The following ROBO2 variants were observed in gnomAD, a reference collection of about 807,000 sequenced individuals.
ROBO2 encodes the protein roundabout guidance receptor 2.
ROBO2 carries 53 observed loss-of-function variants against 160.8 expected under a neutral mutation model. The observed-to-expected ratio is 0.33, with a 90% CI of 0.26 to 0.41. ROBO2 has a LOEUF of 0.41. ROBO2 is among the 10% of genes least tolerant of loss of function. ROBO2 has a pLI of 1.00. For missense variants in ROBO2, 1,577 were observed against 1,722.4 expected, an observed-to-expected ratio of 0.92 and a Z score of 1.49; for synonymous variants, 664 against 611.7, an observed-to-expected ratio of 1.09 and a Z score of -1.26.
At chr3:76,869,342 G>GTTTTTTTTTTT (rs34051755) in intron 2 of ROBO2, among the ~76,000 whole-genome samples, 7 of 71,356 alleles carry the variant, frequency 9.8e-5, no homozygotes, top group Admixed American at 2.3e-4. Context: ...AGAAATTGAT[G>GTTTTTTTTTTT]TTTTTTTTTT....
At chr3:76,829,736 T>C (rs2066913244) in intron 2 of ROBO2, among the ~76,000 whole-genome samples, 2 of 151,852 alleles carry the variant, frequency 1.3e-5, no homozygotes, top group South Asian at 4.2e-4. Flanking sequence ...TGGCACAATC[T>C]TGGCTCACTG....
chr3:76,191,990 C>T (rs969400237), intron 2 of ROBO2, among the ~76,000 whole-genome samples: 1 of 151,994 alleles, frequency 6.6e-6, no homozygotes, highest in Non-Finnish European at 1.5e-5. Context: ...TTCTTCAGGC[C>T]TATTATTGGA....
At chr3:76,674,793 C>G (rs1440789565) in intron 2 of ROBO2, among the ~76,000 whole-genome samples, 1 of 152,158 alleles carries the variant, frequency 6.6e-6, no homozygotes, top group Non-Finnish European at 1.5e-5. Flanking sequence ...TGGGCAACCA[C>G]ACACTCACTA....
intron 2 of ROBO2, among the ~76,000 whole-genome samples, chr3:76,201,971 T>C (rs1285659073): frequency 6.7e-6 from 1 of 148,464 alleles, no homozygotes; most frequent in Non-Finnish European, 1.5e-5. Context: ...GTCCTGCTAA[T>C]AAAACGCCAA....
At chr3:76,789,597 G>T (rs544572952) in intron 2 of ROBO2, among the ~76,000 whole-genome samples, 1 of 151,732 alleles carries the variant, frequency 6.6e-6, no homozygotes, top group African/African-American at 2.4e-5. Flanking sequence ...TGGGGAAAAT[G>T]GACTCACAAG....
chr3:77,225,724 G>A (rs1316923841), intron 2 of ROBO2, among the ~76,000 whole-genome samples: 3 of 151,926 alleles, frequency 2.0e-5, no homozygotes, highest in East Asian at 3.8e-4. Flanking sequence ...GCATGTAATA[G>A]TGTATTAAAT....
chr3:76,278,997 G>T (rs1004326184), intron 2 of ROBO2, among the ~76,000 whole-genome samples: 16 of 151,842 alleles, frequency 1.1e-4, no homozygotes, highest in Admixed American at 3.3e-4. Context: ...ATGCAGAAAA[G>T]TTCCTCCTTA....
chr3:77,609,572 C>T (rs1420338647), intron 21 of ROBO2, among the ~76,000 whole-genome samples: 5 of 151,642 alleles, frequency 3.3e-5, no homozygotes. Flanking sequence ...CTAAAATATA[C>T]ATAGACTATG....
At chr3:77,465,921 C>T (rs191564055) in intron 2 of ROBO2, among the ~76,000 whole-genome samples, 226 of 152,228 alleles carry the variant, frequency 1.5e-3, no homozygotes, top group Non-Finnish European at 2.4e-3. Flanking sequence ...AGGATATTTG[C>T]ATGTATAAAA....
chr3:76,148,065 C>G (rs1375722993), intron 2 of ROBO2, among the ~76,000 whole-genome samples: 2 of 152,036 alleles, frequency 1.3e-5, no homozygotes, highest in Non-Finnish European at 2.9e-5. Context: ...ATGATTAATG[C>G]TGAGTGTGCT....
At chr3:76,092,170 G>A (rs2069262021) in intron 2 of ROBO2, among the ~76,000 whole-genome samples, 2 of 152,058 alleles carry the variant, frequency 1.3e-5, no homozygotes, top group South Asian at 4.2e-4. Flanking sequence ...GCGCATGTGT[G>A]GGGACAAAAA....
intron 2 of ROBO2, among the ~76,000 whole-genome samples, chr3:76,833,998 C>CT (rs371083028): frequency 1.4e-3 from 28 of 19,426 alleles, no homozygotes; most frequent in African/African-American, 2.8e-3. Context: ...TCTTTCTTTC[C>CT]TTCTTTCTTT....
At chr3:77,599,089 T>C (rs934314443) in intron 19 of ROBO2, among the ~76,000 whole-genome samples, 3 of 152,138 alleles carry the variant, frequency 2.0e-5, no homozygotes, top group African/African-American at 4.8e-5. Context: ...AAATATCTCA[T>C]AGATGAACAG....
At chr3:76,071,986 T>C (rs1193141262) in intron 2 of ROBO2, among the ~76,000 whole-genome samples, 1 of 152,118 alleles carries the variant, frequency 6.6e-6, no homozygotes, top group Non-Finnish European at 1.5e-5. Context: ...TAATAGTTGT[T>C]CTACAGTATA....
chr3:76,902,948 A>G (rs549657283), intron 2 of ROBO2, among the ~76,000 whole-genome samples: 2 of 152,014 alleles, frequency 1.3e-5, no homozygotes, highest in South Asian at 4.1e-4. Flanking sequence ...TTAGTGTATC[A>G]TTACTTGGAT....
At chr3:75,992,208 G>A (rs547350407) in intron 2 of ROBO2, among the ~76,000 whole-genome samples, 1 of 152,220 alleles carries the variant, frequency 6.6e-6, no homozygotes, top group South Asian at 2.1e-4. Flanking sequence ...ATGTCTCTAG[G>A]GCATATGAAA....
chr3:77,391,015 G>A lies in ROBO2; in HGVS notation c.389-86399G>A, dbSNP rs560354967. 7.2e-5 allele frequency among the ~76,000 whole-genome samples: 11 copies of A among 152,096 alleles called. No individual in the cohort carries two copies. In the South Asian group the frequency reaches 2.3e-3, roughly 32 times the overall value. On this transcript the variant is annotated intron_variant, in intron 2 of 25. Transcript: ENST00000461745. ...GCCTTCATTTTAGACACTCTTCTGAGTGCTGAATGCCACAGTTTGAAGTTC... is the reference window on the plus strand; with the variant it reads ...GCCTTCATTTTAGACACTCTTCTGAATGCTGAATGCCACAGTTTGAAGTTC...
intron 2 of ROBO2, among the ~76,000 whole-genome samples, chr3:77,361,535 T>A (rs2069989341): frequency 6.6e-6 from 1 of 152,120 alleles, no homozygotes; most frequent in Non-Finnish European, 1.5e-5. Context: ...CAGTTCTGGG[T>A]GCTGGGACCT....
chr3:77,493,454 A>C, intron 5 of ROBO2, 72 bp downstream of exon 5: 2 of 1,507,768 alleles, frequency 1.3e-6, no homozygotes, highest in Non-Finnish European at 1.8e-6. Context: ...GACAGCTACA[A>C]TGCCACCACC....
Sources: gnomAD v4.1 joint callset for allele counts (sites outside exome capture counted in the v4.1 genomes callset) on GRCh38, gnomAD v4.1.1 for gene constraint, MANE v1.5 for transcripts, NCBI Gene and HGNC (gene_info 2026-07-23, HGNC 2026-07-21) for gene names.